Variants in IL1RAPL1 observed in about 807,000 individuals in gnomAD.
The protein encoded by IL1RAPL1 is interleukin 1 receptor accessory protein like 1, also known as interleukin-1 receptor accessory protein-like 1.
In IL1RAPL1, 3 loss-of-function variants were observed where a neutral mutation model predicts 48.4. The ratio of observed to expected loss-of-function variants is 0.06; its 90% CI spans 0.03 to 0.16. IL1RAPL1 has a LOEUF of 0.16. Among genes scored for constraint, IL1RAPL1 ranks in the 10% least tolerant of loss-of-function variants. The pLI is 1.00. For synonymous variants in IL1RAPL1, 185 were observed against 187.7 expected (o/e 0.99, Z 0.12); for missense variants, 349 against 530.6 (o/e 0.66, Z 3.36).
intron 5 of IL1RAPL1, among the ~76,000 whole-genome samples, chrX:29,481,880 G>A (rs755469756): frequency 8.9e-6 from 1 of 111,940 alleles, no homozygotes; most frequent in East Asian, 2.8e-4. Context: ...TAATGGCAAA[G>A]TAATATTTGC....
intron 8 of IL1RAPL1, among the ~76,000 whole-genome samples, chrX:29,932,991 A>T (rs766432015): frequency 8.9e-6 from 1 of 112,245 alleles, no homozygotes; most frequent in Admixed American, 9.5e-5. Context: ...GCAGTACATG[A>T]TTGATTTCCA....
chrX:29,365,821 T>G (rs1311536452), intron 3 of IL1RAPL1, among the ~76,000 whole-genome samples: 1 of 110,729 alleles, frequency 9.0e-6, no homozygotes, highest in Admixed American at 9.6e-5. Flanking sequence ...GGTGGATCAC[T>G]TGAGGTCAGG....
At chrX:29,152,589 T>C in intron 2 of IL1RAPL1, among the ~76,000 whole-genome samples, 1 of 112,266 alleles carries the variant, frequency 8.9e-6, no homozygotes, top group Non-Finnish European at 1.9e-5. Flanking sequence ...AATAGAGGCC[T>C]AATGGATGTT....
At chrX:29,039,785 C>CAA (rs35505034) in intron 2 of IL1RAPL1, among the ~76,000 whole-genome samples, 53 of 61,854 alleles carry the variant, frequency 8.6e-4, no homozygotes, top group African/African-American at 9.4e-4. Flanking sequence ...TAACAATCCT[C>CAA]AAAAAAAAAA....
chrX:29,789,424 C>CA (rs751872357), intron 6 of IL1RAPL1, among the ~76,000 whole-genome samples: 2 of 110,963 alleles, frequency 1.8e-5, no homozygotes, highest in Admixed American at 1.9e-4. Flanking sequence ...CTCATTCAGC[C>CA]AAAAAATCTA....
intron 6 of IL1RAPL1, among the ~76,000 whole-genome samples, chrX:29,862,159 CAAA>C (rs767446668): frequency 2.7e-5 from 2 of 74,905 alleles, no homozygotes. Context: ...GACCCTGTCT[CAAA>C]AAAAAAAAAA....
chrX:29,446,314 C>T (rs950203686), intron 5 of IL1RAPL1, among the ~76,000 whole-genome samples: 8 of 111,616 alleles, frequency 7.2e-5, no homozygotes, highest in African/African-American at 2.3e-4. Flanking sequence ...CGACAAAAAA[C>T]AAATGAAACC....
rs186346085 is a variant in IL1RAPL1 at position 29,635,327 on chromosome X, G to A, written c.704-33103G>A. ...TAAAGATTCTAAAAACTTTTCCAAAGGTGTTAGAGGAAGGTGATATACAAT... is the reference window on the plus strand; with the variant it reads ...TAAAGATTCTAAAAACTTTTCCAAAAGTGTTAGAGGAAGGTGATATACAAT... On this transcript the variant is annotated intron_variant, in intron 5 of 10. Transcript: ENST00000378993. Among the ~76,000 whole-genome samples the A allele has an allele frequency of 2.8e-4, 31 of 111,959 alleles. No individual in the cohort carries two copies. In the Admixed American group the frequency reaches 2.9e-3, roughly 11 times the overall value.
chrX:29,380,460 C>T (rs771865724), intron 3 of IL1RAPL1, among the ~76,000 whole-genome samples: 91 of 111,761 alleles, frequency 8.1e-4, no homozygotes, highest in Admixed American at 2.6e-3. Flanking sequence ...CTCCTGACCT[C>T]AGGTGATCCA....
At chrX:29,548,269 G>A (rs1303597698) in intron 5 of IL1RAPL1, among the ~76,000 whole-genome samples, 1 of 112,401 alleles carries the variant, frequency 8.9e-6, no homozygotes, top group Non-Finnish European at 1.9e-5. Flanking sequence ...AACACTTAAT[G>A]TGTGTGAAAC....
At chrX:29,557,224 A>G (rs1025093909) in intron 5 of IL1RAPL1, among the ~76,000 whole-genome samples, 6 of 111,906 alleles carry the variant, frequency 5.4e-5, no homozygotes, top group African/African-American at 9.7e-5. Context: ...AACAAATTCC[A>G]GCCAATGAAT....
intron 2 of IL1RAPL1, among the ~76,000 whole-genome samples, chrX:28,934,285 A>G (rs1021092571): frequency 3.6e-5 from 4 of 111,375 alleles, no homozygotes; most frequent in Admixed American, 2.9e-4. Context: ...ATTACCCCAT[A>G]TCTAAAAGCG....
At chrX:29,638,364 G>A (rs1026733194) in intron 5 of IL1RAPL1, among the ~76,000 whole-genome samples, 5 of 107,022 alleles carry the variant, frequency 4.7e-5, no homozygotes, top group African/African-American at 1.7e-4. Flanking sequence ...CCCGCCTCCC[G>A]GGTTCAAGCG....
chrX:29,483,428 T>C (rs1935061341), intron 5 of IL1RAPL1, among the ~76,000 whole-genome samples: 1 of 111,459 alleles, frequency 9.0e-6, no homozygotes, highest in Admixed American at 9.5e-5. Context: ...GTGATGTCCG[T>C]ATGCTACCAT....
At chrX:29,689,831 A>G (rs1277854346) in intron 6 of IL1RAPL1, among the ~76,000 whole-genome samples, 5 of 112,130 alleles carry the variant, frequency 4.5e-5, no homozygotes, top group Non-Finnish European at 9.4e-5. Flanking sequence ...ATATATCACA[A>G]TGGAATGTGT....
chrX:28,774,588 T>C (rs1256616056), intron 1 of IL1RAPL1, among the ~76,000 whole-genome samples: 4 of 111,836 alleles, frequency 3.6e-5, no homozygotes, highest in Non-Finnish European at 7.5e-5. Context: ...GCTGGCTTCA[T>C]CAAAGTGAGT....
At chrX:28,925,862 A>G (rs1319106264) in intron 2 of IL1RAPL1, among the ~76,000 whole-genome samples, 1 of 111,982 alleles carries the variant, frequency 8.9e-6, no homozygotes, top group South Asian at 3.7e-4. Context: ...CGGAGGTTGC[A>G]GTGAGCCAAG....
At chrX:29,684,280 T>A (rs1030878084) in intron 6 of IL1RAPL1, among the ~76,000 whole-genome samples, 1 of 111,857 alleles carries the variant, frequency 8.9e-6, no homozygotes, top group Non-Finnish European at 1.9e-5. Context: ...GGTTCTCTGC[T>A]TCATGGATGA....
At chrX:29,569,034 C>A (rs1922503556) in intron 5 of IL1RAPL1, among the ~76,000 whole-genome samples, 1 of 111,183 alleles carries the variant, frequency 9.0e-6, no homozygotes. Context: ...CCTTCTGATG[C>A]AATTTATGCC....
Sources: gnomAD v4.1 joint callset for allele counts (sites outside exome capture counted in the v4.1 genomes callset) on GRCh38, gnomAD v4.1.1 for gene constraint, MANE v1.5 for transcripts, NCBI Gene and HGNC (gene_info 2026-07-23, HGNC 2026-07-21) for gene names.